Variants in PEPD observed in about 807,000 individuals in gnomAD.
The protein encoded by PEPD is xaa-Pro dipeptidase.
In PEPD, 53 loss-of-function variants were observed where a neutral mutation model predicts 60.7. The observed-to-expected ratio is 0.87, with a 90% CI of 0.70 to 1.10. PEPD has a LOEUF of 1.10. PEPD is among the 50% of genes least tolerant of loss of function. The pLI is 0.00. For missense variants in PEPD, 711 were observed against 711.9 expected, an observed-to-expected ratio of 1.00 and a Z score of 0.01; for synonymous variants, 267 against 284.1, an observed-to-expected ratio of 0.94 and a Z score of 0.60.
At chr19:33,414,594 C>T (rs556838106) in intron 9 of PEPD, among the ~76,000 whole-genome samples, 1 of 140,316 alleles carries the variant, frequency 7.1e-6, no homozygotes, top group East Asian at 2.6e-4. Context: ...CCCCACCCGC[C>T]CACCCCCGAC....
chr19:33,507,242 G>C (rs1324291238), intron 3 of PEPD, among the ~76,000 whole-genome samples: 2 of 152,096 alleles, frequency 1.3e-5, no homozygotes, highest in African/African-American at 4.8e-5. Flanking sequence ...CCCAACTCTG[G>C]GCTCCGAAGC....
At chr19:33,464,839 G>C (rs775124377) in intron 7 of PEPD, among the ~76,000 whole-genome samples, 1 of 152,090 alleles carries the variant, frequency 6.6e-6, no homozygotes, top group Non-Finnish European at 1.5e-5. Context: ...TCTCACCCGC[G>C]AGTAAGACCC....
At chr19:33,516,942 T>C (rs1971033515) in intron 1 of PEPD, among the ~76,000 whole-genome samples, 1 of 152,086 alleles carries the variant, frequency 6.6e-6, no homozygotes, top group Non-Finnish European at 1.5e-5. Flanking sequence ...CAGTGGCTCA[T>C]GCCTATCATC....
In PEPD at chr19:33,387,053, A is replaced by G. The variant is rs1475062472; in HGVS notation, c.*291T>C. 1 of 464,646 alleles carries G rather than the reference A, an allele frequency of 2.2e-6. No homozygotes were observed. Among genetic ancestry groups the G allele is most frequent in the Admixed American group, 3.8e-5 (1 of 26,552 alleles). 28.8% of individuals were successfully genotyped at this position (464,646 alleles called of 1,614,324 possible). A position where few individuals can be genotyped will look rare whatever the true frequency, so the allele number is the denominator to read the frequency against. ...TCCTGGGAAAAGGAATATAAATGAC[A>G]GCAAGACACATTTTAGTTGCTACTA... On this transcript the variant is annotated 3_prime_UTR_variant, in exon 15 of 15. Transcript: ENST00000244137.
At chr19:33,442,215 A>C (rs1183726537) in intron 9 of PEPD, among the ~76,000 whole-genome samples, 1 of 152,208 alleles carries the variant, frequency 6.6e-6, no homozygotes, top group Non-Finnish European at 1.5e-5. Context: ...CCTGACCAAC[A>C]TGGTGAAACC....
intron 4 of PEPD, among the ~76,000 whole-genome samples, chr19:33,499,796 T>C (rs1166604864): frequency 6.6e-6 from 1 of 152,094 alleles, no homozygotes; most frequent in Non-Finnish European, 1.5e-5. Flanking sequence ...GCTGGGCACA[T>C]GGTACTGGCC....
intron 1 of PEPD, among the ~76,000 whole-genome samples, chr19:33,518,114 A>C (rs1201895372): frequency 1.3e-5 from 2 of 152,222 alleles, no homozygotes; most frequent in African/African-American, 2.4e-5. Flanking sequence ...ACTGGGCACC[A>C]GACCGTAAGC....
At chr19:33,513,642 A>T (rs947214046) in intron 1 of PEPD, among the ~76,000 whole-genome samples, 7 of 151,966 alleles carry the variant, frequency 4.6e-5, no homozygotes, top group African/African-American at 1.7e-4. Context: ...GCCCTTTCAA[A>T]ATGCCAATCC....
chr19:33,510,844 C>T (rs1970911550), intron 3 of PEPD, among the ~76,000 whole-genome samples, 184 bp downstream of exon 3: 1 of 152,210 alleles, frequency 6.6e-6, no homozygotes, highest in African/African-American at 2.4e-5. Flanking sequence ...ACATCCCTTC[C>T]CAGCCAAGGG....
rs1968484281 is a variant in PEPD at position 33,401,279 on chromosome 19, C to T, written c.967+442G>A. 2.0e-5 allele frequency among the ~76,000 whole-genome samples: 3 copies of T among 152,228 alleles called. No homozygotes were observed. In the South Asian group the frequency reaches 6.2e-4, roughly 31 times the overall value. On this transcript the variant is annotated intron_variant, in intron 12 of 14. Coordinates refer to ENST00000244137, the MANE Select transcript of PEPD (RefSeq NM_000285.4). ...CATGAGTCGGCTGCTTCCCCATTTACAGATGTGGAAACGGCCACCCAGAGG... is the reference window on the plus strand; with the variant it reads ...CATGAGTCGGCTGCTTCCCCATTTATAGATGTGGAAACGGCCACCCAGAGG...
At chr19:33,449,417 A>C (rs1969654685) in intron 9 of PEPD, among the ~76,000 whole-genome samples, 1 of 152,136 alleles carries the variant, frequency 6.6e-6, no homozygotes, top group Non-Finnish European at 1.5e-5. Flanking sequence ...ACCTAAAAAG[A>C]TCCACCAGCC....
At chr19:33,447,412 A>G (rs1969613102) in intron 9 of PEPD, among the ~76,000 whole-genome samples, 4 of 152,208 alleles carry the variant, frequency 2.6e-5, no homozygotes, top group Non-Finnish European at 5.9e-5. Flanking sequence ...AGTGACAATG[A>G]CCCCAGATCC....
chr19:33,483,975 C>T (rs1041173700), intron 6 of PEPD, among the ~76,000 whole-genome samples: 1 of 152,184 alleles, frequency 6.6e-6, no homozygotes, highest in African/African-American at 2.4e-5. Context: ...TATGTAATGC[C>T]ATGGTTGTGA....
At chr19:33,486,154 G>A (rs574327701) in intron 6 of PEPD, among the ~76,000 whole-genome samples, 17 of 152,222 alleles carry the variant, frequency 1.1e-4, no homozygotes, top group African/African-American at 4.1e-4. Flanking sequence ...GCCTTCAGGA[G>A]CCAAGTGTTC....
At chr19:33,395,824 G>C (rs1385552136) in intron 12 of PEPD, among the ~76,000 whole-genome samples, 1 of 152,242 alleles carries the variant, frequency 6.6e-6, no homozygotes, top group Non-Finnish European at 1.5e-5. Context: ...CAGGCTCTAG[G>C]GGTGTAGGAC....
intron 9 of PEPD, among the ~76,000 whole-genome samples, chr19:33,451,867 C>T (rs1969706939): frequency 6.6e-6 from 1 of 152,038 alleles, no homozygotes; most frequent in South Asian, 2.1e-4. Flanking sequence ...ACTTTTATGC[C>T]TCAAACAATT....
At position 33,511,132 on chromosome 19, in the gene PEPD, G is replaced by A. The variant is rs538934934; in HGVS notation, c.225C>T (p.Phe75=). The change falls in exon 3 of 15, where the codon TTC becomes TTT. Residue 75 remains phenylalanine (F), a synonymous_variant. Coordinates refer to ENST00000244137, the MANE Select transcript of PEPD (RefSeq NM_000285.4). ...FRQESFFHWA[F]GVTEPGCYGV... ...CATAGCAGCCTGGCTCAGTGACACC[G>A]AACGCCCAGTGAAAGAAGGACTCCT... The A allele has an allele frequency of 2.9e-5, 47 of 1,613,942 alleles. No homozygotes were observed. The highest frequency in any genetic ancestry group is 1.9e-4 in the African/African-American group (14 of 75,018).
intron 4 of PEPD, 69 bp from the exon 5 acceptor site, chr19:33,493,406 T>G: frequency 1.9e-6 from 2 of 1,039,584 alleles, no homozygotes; most frequent in Non-Finnish European, 3.0e-6. Context: ...CATGCCACCA[T>G]TCCTTCATAA....
At chr19:33,392,369 CTG>C (rs1225216309) in intron 12 of PEPD, among the ~76,000 whole-genome samples, 3 of 152,236 alleles carry the variant, frequency 2.0e-5, no homozygotes, top group Admixed American at 2.0e-4. Context: ...TCCCCGGACT[CTG>C]TGGAATCCCA....
Sources: gnomAD v4.1 joint callset for allele counts (sites outside exome capture counted in the v4.1 genomes callset) on GRCh38, gnomAD v4.1.1 for gene constraint, MANE v1.5 for transcripts, NCBI Gene and HGNC (gene_info 2026-07-23, HGNC 2026-07-21) for gene names.